WASHC4: variants seen among roughly 807,000 people sequenced by gnomAD.
WASHC4 encodes the protein WASH complex subunit 4.
In WASHC4, 86 loss-of-function variants were observed where a neutral mutation model predicts 166.6. The ratio of observed to expected loss-of-function variants is 0.52; its 90% CI spans 0.43 to 0.62. The LOEUF (loss-of-function observed/expected upper bound fraction) is 0.62. Among genes scored for constraint, WASHC4 ranks in the 20% least tolerant of loss-of-function variants. WASHC4 has a pLI of 0.00. For synonymous variants in WASHC4, 446 were observed against 451.6 expected (o/e 0.99, Z 0.16); for missense variants, 1,262 against 1,382.4 (o/e 0.91, Z 1.38).
chr12:105,136,501 A>ACC (rs1415101448), intron 14 of WASHC4, among the ~76,000 whole-genome samples: 2 of 152,062 alleles, frequency 1.3e-5, no homozygotes, highest in Non-Finnish European at 2.9e-5. Context: ...ACTCCAGACT[A>ACC]CCCTCTCCCT....
intron 18 of WASHC4, among the ~76,000 whole-genome samples, chr12:105,141,616 C>T (rs968642759): frequency 5.9e-5 from 9 of 152,116 alleles, no homozygotes; most frequent in Middle Eastern, 3.2e-3. Context: ...ACGTAGTGTT[C>T]TATGATTTTA....
In WASHC4 at chr12:105,164,267, C is replaced by A. The variant is rs1457893133; in HGVS notation, c.3314C>A (p.Thr1105Asn). Residue 1105 changes from threonine (T) to asparagine (N), a missense_variant, in exon 31 of 33, where the codon ACC becomes AAC. Coordinates refer to ENST00000332180, the MANE Select transcript of WASHC4 (RefSeq NM_015275.3). ...SASQDEKLLQ[T>N]MNLTQKRLDV... The stretch of plus-strand genomic sequence containing the variant: ...AGTCAAGATGAAAAACTCTTACAAA[C>A]CATGAATCTCACTCAGAAGCGACTG... The A allele has an allele frequency of 6.2e-7, 1 of 1,614,016 alleles. No homozygotes were observed. The highest frequency in any genetic ancestry group is 1.3e-5 in the African/African-American group (1 of 75,034).
chr12:105,140,579 T>C (rs903403126), intron 16 of WASHC4, among the ~76,000 whole-genome samples, 178 bp downstream of exon 16: 2 of 152,262 alleles, frequency 1.3e-5, no homozygotes, highest in Admixed American at 1.3e-4. Flanking sequence ...GCATTATCTT[T>C]ACTGTGAAAT....
intron 1 of WASHC4, among the ~76,000 whole-genome samples, chr12:105,108,937 C>T (rs998944675): frequency 6.6e-6 from 1 of 152,136 alleles, no homozygotes; most frequent in Non-Finnish European, 1.5e-5. Context: ...GTCAGGAGTT[C>T]AAGACCAGCC....
At chr12:105,149,383 C>A in intron 24 of WASHC4, 3 of 1,061,364 alleles carry the variant, frequency 2.8e-6, no homozygotes, top group Non-Finnish European at 3.4e-6. Context: ...TTTTTCTTTT[C>A]TTTTTTCTTT....
intron 32 of WASHC4, among the ~76,000 whole-genome samples, chr12:105,165,693 T>A (rs1004467284): frequency 1.3e-5 from 2 of 152,136 alleles, no homozygotes; most frequent in African/African-American, 4.8e-5. Flanking sequence ...ACTCATTGGG[T>A]AGACCACTTA....
rs1380086962 is a variant in WASHC4 at position 105,167,977 on chromosome 12, A to G, written c.*1046A>G. ...CTGTTAGTTTTATTTTTGTAAAGGT[A>G]TGTAAGTTATTAAATGGTTAATCAT... On this transcript the variant is annotated 3_prime_UTR_variant, in exon 33 of 33. Transcript: ENST00000332180. 3 of 152,398 alleles carry G rather than the reference A, an allele frequency of 2.0e-5. No individual in the cohort carries two copies. The highest frequency in any genetic ancestry group is 1.5e-5 in the Non-Finnish European group (1 of 67,974). The allele number at this position is 152,398 out of a possible 1,614,324, so 9.4% of individuals were successfully genotyped here.
chr12:105,141,230 AGTGAACT>A lies in WASHC4; in HGVS notation c.1772_1778del (p.Ser591IlefsTer25). On this transcript the variant is annotated frameshift_variant, in exon 18 of 33. Coordinates refer to ENST00000332180, the MANE Select transcript of WASHC4 (RefSeq NM_015275.3). LOFTEE classifies it high-confidence loss of function. ...AGTCATGAAAAAACTGGATCTTATTAGTGAACTTAGAGAACGGTAAGTAGGACTGGGA... is the reference window on the plus strand; with the variant it reads ...AGTCATGAAAAAACTGGATCTTATTATAGAGAACGGTAAGTAGGACTGGGA... 1 of 1,608,334 alleles carries A rather than the reference AGTGAACT, an allele frequency of 6.2e-7. No homozygotes were observed. The highest frequency in any genetic ancestry group is 8.5e-7 in the Non-Finnish European group (1 of 1,174,702).
At chr12:105,162,602 T>C in intron 29 of WASHC4, 147 bp from the exon 30 acceptor site, 1 of 582,350 alleles carries the variant, frequency 1.7e-6, no homozygotes, top group Non-Finnish European at 3.1e-6. Context: ...CTAAGGCAAA[T>C]GTTTCAGATG....
At chr12:105,160,625 T>G (rs965669337) in intron 29 of WASHC4, among the ~76,000 whole-genome samples, 1 of 152,240 alleles carries the variant, frequency 6.6e-6, no homozygotes, top group African/African-American at 2.4e-5. Context: ...GTGCTGAGAT[T>G]ACAGGCATGA....
chr12:105,119,349 C>A (rs117660479), intron 7 of WASHC4, among the ~76,000 whole-genome samples: 9 of 152,140 alleles, frequency 5.9e-5, no homozygotes. Context: ...TCCACACTTA[C>A]AATCTAATTA....
In WASHC4 at chr12:105,133,794, T is replaced by C. The variant is rs899496617; in HGVS notation, c.1224T>C (p.Phe408=). The change falls in exon 14 of 33, where the codon TTT becomes TTC. Residue 408 remains phenylalanine, a synonymous_variant. Coordinates refer to ENST00000332180, the MANE Select transcript of WASHC4 (RefSeq NM_015275.3). ...LTKDVQSYYV[F]VSSWMMKMES... is the part of the protein sequence containing the mutation. ...GAGATGTACAGTCTTACTACGTCTT[T>C]GTGAGCTCATGGATGATGAAAATGG... The C allele has an allele frequency of 3.1e-6, 5 of 1,612,478 alleles. No individual in the cohort carries two copies. The African/African-American group carries it at 6.7e-5, about 22-fold the overall frequency.
In WASHC4 at chr12:105,122,141, A is replaced by G. The variant is rs1400110647; in HGVS notation, c.689A>G (p.Asn230Ser). The G allele has an allele frequency of 1.9e-6, 3 of 1,605,280 alleles. No homozygotes were observed. The highest frequency in any genetic ancestry group is 2.2e-5 in the East Asian group (1 of 44,728). ...AGGTTACTGAAATCTGTCCATCACA[A>G]TCCTTCAAAATTTGGAATTCAGGAA... ...YKRLLKSVHH[N>S]PSKFGIQEEK... Residue 230 changes from asparagine to serine, a missense_variant, in exon 10 of 33, where the codon AAT (asparagine) becomes AGT (serine). Physicochemically the swap from Asn to Ser is conservative, Grantham distance 46. Coordinates refer to ENST00000332180, the MANE Select transcript of WASHC4 (RefSeq NM_015275.3).
chr12:105,157,792 TG>T (rs1884264982), intron 28 of WASHC4, among the ~76,000 whole-genome samples: 1 of 152,184 alleles, frequency 6.6e-6, no homozygotes, highest in Non-Finnish European at 1.5e-5. Context: ...ACTTAAAATA[TG>T]GCAAATGCGA....
chr12:105,148,609 T>A lies in WASHC4; in HGVS notation c.2515-1006T>A, dbSNP rs562448308. The stretch of plus-strand genomic sequence containing the variant: ...CAAAAGACTGTTAAAGAGATTTTTT[T>A]AAAAATGCAAAGAAACAGAAAAAAC... On this transcript the variant is annotated intron_variant, in intron 24 of 32. Transcript: ENST00000332180. The A allele has an allele frequency of 1.9e-5, 19 of 985,230 alleles. No homozygotes were observed. The South Asian group carries it at 3.8e-4, about 19-fold the overall frequency. 61.0% of individuals were successfully genotyped at this position (985,230 alleles called of 1,614,324 possible). A position where few individuals can be genotyped will look rare whatever the true frequency, so the allele number is the denominator to read the frequency against.
chr12:105,121,960 G>A (rs1002374890), intron 9 of WASHC4, among the ~76,000 whole-genome samples, 158 bp from the exon 10 acceptor site: 1 of 152,096 alleles, frequency 6.6e-6, no homozygotes, highest in African/African-American at 2.4e-5. Context: ...ATTAAAAAGC[G>A]TAAGAAAATC....
intron 6 of WASHC4, 54 bp downstream of exon 6, chr12:105,115,782 T>C: frequency 9.0e-7 from 1 of 1,106,730 alleles, no homozygotes; most frequent in Admixed American, 1.7e-5. Context: ...TTGAGTAAAT[T>C]ACACAACACG....
chr12:105,164,415 T>A, intron 31 of WASHC4, 108 bp downstream of exon 31: 1 of 1,004,780 alleles, frequency 1.0e-6, no homozygotes, highest in Non-Finnish European at 1.5e-6. Context: ...TTTTCACAAG[T>A]GAGATGAATA....
intron 18 of WASHC4, among the ~76,000 whole-genome samples, chr12:105,142,227 C>T (rs1483888045): frequency 6.6e-6 from 1 of 151,998 alleles, no homozygotes; most frequent in African/African-American, 2.4e-5. Flanking sequence ...TTTACAAAAG[C>T]ATATGTGCAG....
Sources: gnomAD v4.1 joint callset for allele counts (sites outside exome capture counted in the v4.1 genomes callset) on GRCh38, gnomAD v4.1.1 for gene constraint, MANE v1.5 for transcripts, NCBI Gene and HGNC (gene_info 2026-07-23, HGNC 2026-07-21) for gene names.